PACRG: variants seen among roughly 807,000 people sequenced by gnomAD.
The protein encoded by PACRG is parkin coregulated, also known as parkin coregulated gene protein.
In PACRG, 29 loss-of-function variants were observed where a neutral mutation model predicts 29.7. The ratio of observed to expected loss-of-function variants is 0.98; its 90% CI spans 0.73 to 1.33. The LOEUF (loss-of-function observed/expected upper bound fraction) is 1.33, where lower values mean the gene tolerates loss of function less well. PACRG is among the 40% of genes most tolerant of loss of function. PACRG has a pLI of 0.00. For missense variants in PACRG, 279 were observed against 316.2 expected, an observed-to-expected ratio of 0.88 and a Z score of 0.89; for synonymous variants, 116 against 118.7, an observed-to-expected ratio of 0.98 and a Z score of 0.15.
In PACRG at chr6:162,977,520, A is replaced by G. The variant is rs186472577; in HGVS notation, c.292-84630A>G. ...CACTTCATAAATATTCGCCACCCTGAGCCCCTTTTTTTTCTCCTCGAACCC... is the reference window on the plus strand; with the variant it reads ...CACTTCATAAATATTCGCCACCCTGGGCCCCTTTTTTTTCTCCTCGAACCC... On this transcript the variant is annotated intron_variant, in intron 2 of 4. Transcript: ENST00000366888. Among the ~76,000 whole-genome samples the G allele has an allele frequency of 2.8e-4, 43 of 152,054 alleles. No individual in the cohort carries two copies. In the Middle Eastern group the frequency reaches 0.01, roughly 36 times the overall value.
chr6:163,303,368 G>A (rs1027033143), intron 4 of PACRG, among the ~76,000 whole-genome samples: 1 of 152,064 alleles, frequency 6.6e-6, no homozygotes. Context: ...TTATTTTTGT[G>A]CCTCAATCAC....
At chr6:163,113,411 T>C (rs548426364) in intron 4 of PACRG, among the ~76,000 whole-genome samples, 3 of 152,154 alleles carry the variant, frequency 2.0e-5, no homozygotes, top group Non-Finnish European at 2.9e-5. Flanking sequence ...TTCAACAAAC[T>C]CTAAGTAGGA....
At chr6:162,842,831 T>G (rs1160554844) in intron 2 of PACRG, among the ~76,000 whole-genome samples, 3 of 123,550 alleles carry the variant, frequency 2.4e-5, no homozygotes, top group African/African-American at 3.6e-5. Context: ...GTCTGTAAAG[T>G]ATTTTATTTC....
intron 1 of PACRG, among the ~76,000 whole-genome samples, chr6:162,765,544 A>G (rs920161961): frequency 6.6e-6 from 1 of 152,096 alleles, no homozygotes; most frequent in Non-Finnish European, 1.5e-5. Context: ...GGAGAGTCAG[A>G]GCTTTCTTGA....
At chr6:162,946,729 C>T (rs1799037693) in intron 2 of PACRG, among the ~76,000 whole-genome samples, 1 of 152,022 alleles carries the variant, frequency 6.6e-6, no homozygotes, top group South Asian at 2.1e-4. Flanking sequence ...AAATCCCCAA[C>T]AAAATACTAG....
At chr6:162,770,109 C>A (rs1783102712) in intron 1 of PACRG, among the ~76,000 whole-genome samples, 1 of 152,110 alleles carries the variant, frequency 6.6e-6, no homozygotes, top group South Asian at 2.1e-4. Context: ...ATATTTCCTA[C>A]AGATAGGTCC....
chr6:162,942,798 C>CT (rs1376923991), intron 2 of PACRG, among the ~76,000 whole-genome samples: 1 of 152,102 alleles, frequency 6.6e-6, no homozygotes, highest in African/African-American at 2.4e-5. Context: ...ATGGAGGGGG[C>CT]TTCAAGATAG....
At chr6:162,918,064 A>G (rs1796818917) in intron 2 of PACRG, among the ~76,000 whole-genome samples, 1 of 152,166 alleles carries the variant, frequency 6.6e-6, no homozygotes, top group South Asian at 2.1e-4. Context: ...AGTAGATTCT[A>G]TATAGCATTT....
Position 163,269,794 on chromosome 6 carries a change from AAGGAAGGAAGGAAGGAAGGAAGGAAGG to A in PACRG, c.614-45030_614-45004del, listed in dbSNP as rs1562349198. Among the ~76,000 whole-genome samples, 111 of 97,108 alleles carry A rather than the reference AAGGAAGGAAGGAAGGAAGGAAGGAAGG, an allele frequency of 1.1e-3. 8 individuals carry two copies. Among genetic ancestry groups the A allele is most frequent in the African/African-American group, 4.6e-3 (108 of 23,512 alleles). The allele number at this position is 97,108 out of a possible 152,430, so 63.7% of individuals were successfully genotyped here. ...ACAGACAGACAGACAGAAAGAAAGA[AAGGAAGGAAGGAAGGAAGGAAGGAAGG>A]AGAAAGAAAGAAAGAAAAAGAAAGA... is the stretch of plus-strand genomic sequence containing the variant. On this transcript the variant is annotated intron_variant, in intron 4 of 4. Transcript: ENST00000366888.
chr6:163,290,324 A>C (rs1784555899), intron 4 of PACRG, among the ~76,000 whole-genome samples: 1 of 118,284 alleles, frequency 8.5e-6, no homozygotes, highest in Admixed American at 9.1e-5. Flanking sequence ...ACACACACAC[A>C]GCAATCACTG....
At chr6:162,732,670 G>A (rs1288659981) in intron 1 of PACRG, among the ~76,000 whole-genome samples, 1 of 152,206 alleles carries the variant, frequency 6.6e-6, no homozygotes, top group Non-Finnish European at 1.5e-5. Flanking sequence ...AAGGGACCAA[G>A]TGGCGATGAA....
chr6:162,736,562 A>G (rs746884089), intron 1 of PACRG, among the ~76,000 whole-genome samples: 2 of 152,050 alleles, frequency 1.3e-5, no homozygotes, highest in Non-Finnish European at 1.5e-5. Flanking sequence ...TTGGTGAAAT[A>G]TAACAGTTGA....
At chr6:163,169,474 G>A (rs1254020590) in intron 4 of PACRG, among the ~76,000 whole-genome samples, 3 of 152,212 alleles carry the variant, frequency 2.0e-5, no homozygotes, top group African/African-American at 4.8e-5. Flanking sequence ...AGGACGAGAG[G>A]TGCGGGTTGG....
At chr6:162,740,244 T>C (rs1231060406) in intron 1 of PACRG, among the ~76,000 whole-genome samples, 1 of 152,208 alleles carries the variant, frequency 6.6e-6, no homozygotes, top group Admixed American at 6.5e-5. Flanking sequence ...CGGTCAAGTT[T>C]CATGAAAATT....
intron 4 of PACRG, among the ~76,000 whole-genome samples, chr6:163,204,347 C>T (rs1265273732): frequency 6.6e-6 from 1 of 152,190 alleles, no homozygotes; most frequent in Non-Finnish European, 1.5e-5. Context: ...TATGTTATTA[C>T]TGCATTCAAT....
intron 2 of PACRG, among the ~76,000 whole-genome samples, chr6:163,037,104 C>G (rs1173503804): frequency 1.3e-5 from 2 of 152,204 alleles, no homozygotes; most frequent in Non-Finnish European, 2.9e-5. Context: ...CACTGTAACC[C>G]TCTTTGTCAT....
intron 2 of PACRG, among the ~76,000 whole-genome samples, chr6:162,818,758 C>G (rs543422629): frequency 4.6e-5 from 7 of 152,216 alleles, no homozygotes; most frequent in Non-Finnish European, 8.8e-5. Flanking sequence ...TAACGTGCTA[C>G]GTGACAGAAT....
intron 4 of PACRG, among the ~76,000 whole-genome samples, chr6:163,312,424 C>T (rs1236344429): frequency 2.0e-5 from 3 of 152,108 alleles, no homozygotes; most frequent in African/African-American, 4.8e-5. Context: ...TTTCTTTACA[C>T]CTGTAGCAAA....
At chr6:162,925,329 C>T (rs1797354306) in intron 2 of PACRG, among the ~76,000 whole-genome samples, 1 of 152,148 alleles carries the variant, frequency 6.6e-6, no homozygotes, top group Non-Finnish European at 1.5e-5. Flanking sequence ...CCAGTATCAT[C>T]CTGACATAAA....
Sources: allele counts gnomAD v4.1 joint callset (sites outside exome capture counted in the v4.1 genomes callset), GRCh38; gene constraint gnomAD v4.1.1; transcripts MANE v1.5; gene names NCBI Gene and HGNC (gene_info 2026-07-23, HGNC 2026-07-21).